Variants in HS3ST4 observed in about 807,000 individuals in gnomAD.
HS3ST4 encodes the protein heparan sulfate-glucosamine 3-sulfotransferase 4, also known as heparan sulfate glucosamine 3-O-sulfotransferase 4.
HS3ST4 carries 17 observed loss-of-function variants against 29.2 expected under a neutral mutation model. That is an observed-to-expected ratio of 0.58 (90% CI 0.40 to 0.87). HS3ST4 has a LOEUF of 0.87. Ranked by LOEUF, HS3ST4 falls within the 40% of genes least tolerant of loss-of-function variation. The pLI is 0.00. For synonymous variants in HS3ST4, 314 were observed against 285.7 expected, an observed-to-expected ratio of 1.10 and a Z score of -1.00; for missense variants, 627 against 634.5, an observed-to-expected ratio of 0.99 and a Z score of 0.13.
intron 1 of HS3ST4, among the ~76,000 whole-genome samples, chr16:25,837,832 A>C (rs541333133): frequency 3.3e-5 from 5 of 152,020 alleles, no homozygotes; most frequent in Non-Finnish European, 5.9e-5. Flanking sequence ...GCTTTGTTTT[A>C]TGGGTAAATC....
intron 1 of HS3ST4, among the ~76,000 whole-genome samples, chr16:26,075,474 A>G (rs1898651211): frequency 6.6e-6 from 1 of 152,230 alleles, no homozygotes; most frequent in Admixed American, 6.5e-5. Flanking sequence ...TGTTGAAATG[A>G]TGAATGAATA....
intron 1 of HS3ST4, among the ~76,000 whole-genome samples, chr16:25,761,891 A>G (rs901460781): frequency 4.6e-5 from 7 of 152,210 alleles, no homozygotes; most frequent in African/African-American, 1.7e-4. Flanking sequence ...TCGTTTTACA[A>G]CAGGGGAAAG....
intron 1 of HS3ST4, among the ~76,000 whole-genome samples, chr16:25,966,309 C>T (rs1968842420): frequency 6.6e-6 from 1 of 152,104 alleles, no homozygotes; most frequent in Non-Finnish European, 1.5e-5. Flanking sequence ...AATGATATTA[C>T]AGTTCTTCTC....
chr16:25,925,406 T>G lies in HS3ST4; in HGVS notation c.735-210206T>G, dbSNP rs145293360. Among the ~76,000 whole-genome samples, 933 of 152,132 alleles carry G rather than the reference T, an allele frequency of 6.1e-3. 15 individuals carry two copies. Among genetic ancestry groups the G allele is most frequent in the African/African-American group, 0.022 (908 of 41,494 alleles). On this transcript the variant is annotated intron_variant, in intron 1 of 1. Coordinates refer to ENST00000331351, the MANE Select transcript of HS3ST4 (RefSeq NM_006040.3). The stretch of plus-strand genomic sequence containing the variant: ...CTTTTGGCCTCAGCTTTCTCATCTT[T>G]AAAAGCTTCCTGGGCACCTTGATTT...
In HS3ST4 at chr16:26,132,398, A is replaced by T. The variant is rs532354796; in HGVS notation, c.735-3214A>T. ...AAATGCAAAAACTCTCCTAAAGTATATACTTTTCACATTCATGGGTAGCAT... is the reference window on the plus strand; with the variant it reads ...AAATGCAAAAACTCTCCTAAAGTATTTACTTTTCACATTCATGGGTAGCAT... On this transcript the variant is annotated intron_variant, in intron 1 of 1. Transcript: ENST00000331351. 4.6e-5 allele frequency among the ~76,000 whole-genome samples: 7 copies of T among 152,280 alleles called. No homozygotes were observed. In the South Asian group the frequency reaches 1.2e-3, roughly 27 times the overall value.
chr16:25,717,697 A>G (rs1166293769), intron 1 of HS3ST4, among the ~76,000 whole-genome samples: 1 of 152,132 alleles, frequency 6.6e-6, no homozygotes, highest in African/African-American at 2.4e-5. Flanking sequence ...CTGGAGAGGA[A>G]AGACATGCAA....
At chr16:25,887,007 G>A (rs1967960665) in intron 1 of HS3ST4, 1 of 152,188 alleles carries the variant, frequency 6.6e-6, no homozygotes, top group Non-Finnish European at 1.5e-5. Flanking sequence ...TTTTTGGAGT[G>A]GGTGGAAGGG....
chr16:25,871,026 A>T (rs971575155), intron 1 of HS3ST4, among the ~76,000 whole-genome samples: 118 of 152,340 alleles, frequency 7.7e-4, no homozygotes, highest in African/African-American at 2.8e-3. Flanking sequence ...ATCAAATCAC[A>T]TGGGTAGAAT....
At chr16:25,773,327 T>G (rs929993920) in intron 1 of HS3ST4, among the ~76,000 whole-genome samples, 2 of 152,090 alleles carry the variant, frequency 1.3e-5, no homozygotes, top group African/African-American at 2.4e-5. Context: ...GTCCTGGGAG[T>G]GGGGTCTACC....
At chr16:26,108,921 G>T (rs766402993) in intron 1 of HS3ST4, among the ~76,000 whole-genome samples, 11 of 152,064 alleles carry the variant, frequency 7.2e-5, no homozygotes, top group Non-Finnish European at 1.5e-4. Context: ...AGCCTAATGG[G>T]TCCTGGCCTG....
intron 1 of HS3ST4, among the ~76,000 whole-genome samples, chr16:26,072,228 A>G (rs996177841): frequency 6.6e-5 from 10 of 152,138 alleles, no homozygotes; most frequent in African/African-American, 2.4e-4. Flanking sequence ...AAACATTTGA[A>G]TGAACTATTT....
At chr16:25,740,821 C>T (rs1966646711) in intron 1 of HS3ST4, among the ~76,000 whole-genome samples, 2 of 152,226 alleles carry the variant, frequency 1.3e-5, no homozygotes, top group Admixed American at 6.5e-5. Context: ...ATCCTTTGCC[C>T]CTCAAAACTC....
At chr16:25,893,378 T>G (rs1013637554) in intron 1 of HS3ST4, among the ~76,000 whole-genome samples, 1 of 152,238 alleles carries the variant, frequency 6.6e-6, no homozygotes, top group Non-Finnish European at 1.5e-5. Context: ...GCTGACATGC[T>G]TCCCAGTTAG....
At chr16:25,766,690 C>A (rs1204608904) in intron 1 of HS3ST4, among the ~76,000 whole-genome samples, 1 of 152,094 alleles carries the variant, frequency 6.6e-6, no homozygotes, top group African/African-American at 2.4e-5. Context: ...GAAAAACACC[C>A]AAATACCCTG....
intron 1 of HS3ST4, among the ~76,000 whole-genome samples, chr16:25,701,691 T>C (rs1474710738): frequency 6.6e-6 from 1 of 152,224 alleles, no homozygotes; most frequent in Non-Finnish European, 1.5e-5. Context: ...ATTTATTCAT[T>C]AAACATGTAT....
chr16:25,846,307 A>G (rs1300452249), intron 1 of HS3ST4, among the ~76,000 whole-genome samples: 1 of 152,166 alleles, frequency 6.6e-6, no homozygotes, highest in Non-Finnish European at 1.5e-5. Context: ...TGGTATTAAT[A>G]CCTTGTGTTA....
chr16:26,088,414 G>A (rs1449525805), intron 1 of HS3ST4, among the ~76,000 whole-genome samples: 3 of 152,168 alleles, frequency 2.0e-5, no homozygotes, highest in Non-Finnish European at 4.4e-5. Context: ...TTGTTTGGCT[G>A]CTGTGGTTTT....
chr16:25,692,915 C>T lies in HS3ST4; in HGVS notation c.498C>T (p.Thr166=), dbSNP rs1966266778. Residue 166 remains threonine, a synonymous_variant, in exon 1 of 2, where the codon ACC becomes ACT. Transcript: ENST00000331351. ...LPEREAQESS[T]TDEDLAGRRA... is the part of the protein sequence containing the mutation. ...AGAGGGAAGCGCAGGAGTCCAGCAC[C>T]ACCGACGAGGATCTCGCAGGCCGGA... is the stretch of plus-strand genomic sequence containing the variant. 1 of 1,600,092 alleles carries T rather than the reference C, an allele frequency of 6.2e-7. No individual in the cohort carries two copies. Among genetic ancestry groups the T allele is most frequent in the South Asian group, 1.1e-5 (1 of 88,866 alleles).
At chr16:25,736,430 A>G (rs1966610616) in intron 1 of HS3ST4, among the ~76,000 whole-genome samples, 1 of 152,250 alleles carries the variant, frequency 6.6e-6, no homozygotes, top group South Asian at 2.1e-4. Flanking sequence ...TATATGGCAC[A>G]TATAAAATTC....
Sources: gnomAD v4.1 joint callset for allele counts (sites outside exome capture counted in the v4.1 genomes callset) on GRCh38, gnomAD v4.1.1 for gene constraint, MANE v1.5 for transcripts, NCBI Gene and HGNC (gene_info 2026-07-23, HGNC 2026-07-21) for gene names.